Variants in ADAMTS2 observed in about 807,000 individuals in gnomAD.
The protein encoded by ADAMTS2 is ADAM metallopeptidase with thrombospondin type 1 motif 2.
ADAMTS2 carries 50 observed loss-of-function variants against 123.0 expected under a neutral mutation model. The ratio of observed to expected loss-of-function variants is 0.41; its 90% CI spans 0.32 to 0.51. ADAMTS2 has a LOEUF of 0.51. ADAMTS2 is among the 20% of genes least tolerant of loss of function. The pLI is 0.35. For synonymous variants in ADAMTS2, 678 were observed against 695.4 expected, an observed-to-expected ratio of 0.98 and a Z score of 0.39; for missense variants, 1,494 against 1,705.2, an observed-to-expected ratio of 0.88 and a Z score of 2.18.
rs751864582 is a variant in ADAMTS2 at position 179,344,045 on chromosome 5, C to T, written c.256G>A (p.Ala86Thr). 4 of 1,612,290 alleles carry T rather than the reference C, an allele frequency of 2.5e-6. No homozygotes were observed. The African/African-American group carries it at 4.0e-5, about 16-fold the overall frequency. Reference sequence around the variant, plus strand: ...GTCCGGACCGGGGCGGCCCTGCGGGCTCGTACCCCTGCTCTGGACGTAGCT... The same window carrying T: ...GTCCGGACCGGGGCGGCCCTGCGGGTTCGTACCCCTGCTCTGGACGTAGCT... ...SAATSRAGVR[A>T]RRAAPVRTPS... The change falls in exon 2 of 22, where the codon GCC becomes ACC. Residue 86 changes from alanine to threonine, a missense_variant. By Grantham distance (58) the Ala-to-Thr change is moderately conservative (BLOSUM62 0). This residue lies in a region of ADAMTS2 where 237 missense variants were observed against 233.7 expected (regional missense o/e 1.01). Coordinates refer to ENST00000251582, the MANE Select transcript of ADAMTS2 (RefSeq NM_014244.5).
intron 2 of ADAMTS2, among the ~76,000 whole-genome samples, chr5:179,329,326 C>CAA (rs79153534): frequency 1.4e-4 from 12 of 85,676 alleles, no homozygotes; most frequent in Non-Finnish European, 1.8e-4. Context: ...GACTCCGTCT[C>CAA]AAAAAAAAAA....
chr5:179,111,667 T>TC lies in ADAMTS2; in HGVS notation c.*2199dup, dbSNP rs777899565. On this transcript the variant is annotated 3_prime_UTR_variant, in exon 22 of 22. Transcript: ENST00000251582. ...CTGCTGAGATCTTGGAATGGAGTGTTCCCATCCAGAGGCCCCTAGGCTGGG... is the reference window on the plus strand; with the variant it reads ...CTGCTGAGATCTTGGAATGGAGTGTTCCCCATCCAGAGGCCCCTAGGCTGGG... 1 of 152,234 alleles carries TC rather than the reference T, an allele frequency of 6.6e-6. No individual in the cohort carries two copies. Among genetic ancestry groups the TC allele is most frequent in the Non-Finnish European group, 1.5e-5 (1 of 68,066 alleles). The allele number at this position is 152,234 out of a possible 1,614,324, so 9.4% of individuals were successfully genotyped here. A position where few individuals can be genotyped will look rare whatever the true frequency, so the allele number is the denominator to read the frequency against.
Position 179,345,406 on chromosome 5 carries a change from G to A in ADAMTS2, c.-78C>T. ...CCGCGAGCCGCCCAGCCCACATCTG[G>A]GGGCAGCTGGAGCCGCCCGCAGCTG... On this transcript the variant is annotated 5_prime_UTR_variant, in exon 1 of 22. Transcript: ENST00000251582. This position sits in a 1 kb window ranked among gnomAD's most constrained non-coding sequence, Gnocchi z 7.5. 1 of 1,071,536 alleles carries A rather than the reference G, an allele frequency of 9.3e-7. No individual in the cohort carries two copies. Among genetic ancestry groups the A allele is most frequent in the South Asian group, 4.4e-5 (1 of 22,840 alleles). The allele number at this position is 1,071,536 out of a possible 1,614,324, so 66.4% of individuals were successfully genotyped here. A position where few individuals can be genotyped will look rare whatever the true frequency, so the allele number is the denominator to read the frequency against.
rs1315547309 is a variant in ADAMTS2, at chr5:179,228,870, T to C, written c.689-21155A>G. 6.6e-6 allele frequency among the ~76,000 whole-genome samples: 1 copy of C among 152,198 alleles called. No individual in the cohort carries two copies. Among genetic ancestry groups the C allele is most frequent in the African/African-American group, 2.4e-5 (1 of 41,444 alleles). ...GAGGAGGGAGCCGAAGCTCTGCCAG[T>C]CTGCACTGAAGTCTGTGGTGTGCGG... On this transcript the variant is annotated intron_variant, in intron 3 of 21. Transcript: ENST00000251582. This position sits in a 1 kb window ranked among gnomAD's most constrained non-coding sequence, Gnocchi z 5.2.
rs1254731506 is a variant in ADAMTS2 at position 179,185,762 on chromosome 5, T to C, written c.892-4607A>G. Among the ~76,000 whole-genome samples the C allele has an allele frequency of 6.6e-6, 1 of 151,968 alleles. No homozygotes were observed. The highest frequency in any genetic ancestry group is 1.5e-5 in the Non-Finnish European group (1 of 67,974). On this transcript the variant is annotated intron_variant, in intron 4 of 21. Transcript: ENST00000251582. This position sits in a 1 kb window ranked among gnomAD's most constrained non-coding sequence, Gnocchi z 5.9. ...TGGGCCCCTGGCTGGGGAGCTCCAC[T>C]GTGGGCTGTCCGCCAGCAGCCAGCT...
chr5:179,332,937 C>A lies in ADAMTS2; in HGVS notation c.534+10830G>T, dbSNP rs902817268. Among the ~76,000 whole-genome samples the A allele has an allele frequency of 2.0e-5, 3 of 152,190 alleles. No homozygotes were observed. The highest frequency in any genetic ancestry group is 7.2e-5 in the African/African-American group (3 of 41,452). On this transcript the variant is annotated intron_variant, in intron 2 of 21. Transcript: ENST00000251582. The surrounding 1 kb of genome is among the most constrained non-coding windows in gnomAD (Gnocchi z 4.2). ...CCAGGTGGCCGCCAAGTGTGGACAG[C>A]CCTGCAGCAAAGGCCAGCTACTGCC...
chr5:179,293,872 C>G (rs1371922725), intron 2 of ADAMTS2, among the ~76,000 whole-genome samples: 2 of 152,078 alleles, frequency 1.3e-5, no homozygotes, highest in African/African-American at 4.8e-5. Flanking sequence ...TCCGCCTGCC[C>G]TGGCTTCCCA....
intron 2 of ADAMTS2, among the ~76,000 whole-genome samples, chr5:179,335,407 C>A (rs1321460951): frequency 2.6e-5 from 4 of 152,146 alleles, no homozygotes; most frequent in Non-Finnish European, 5.9e-5. Flanking sequence ...TCAATTCAGA[C>A]CAGACACATT....
At chr5:179,288,982 G>C (rs1406946135) in intron 2 of ADAMTS2, among the ~76,000 whole-genome samples, 1 of 152,228 alleles carries the variant, frequency 6.6e-6, no homozygotes, top group Non-Finnish European at 1.5e-5. Context: ...CGGGATCTCA[G>C]GGCCCCCACC....
At chr5:179,301,800 T>C (rs1756525816) in intron 2 of ADAMTS2, among the ~76,000 whole-genome samples, 1 of 152,268 alleles carries the variant, frequency 6.6e-6, no homozygotes, top group Non-Finnish European at 1.5e-5. Flanking sequence ...CCATGTGCCC[T>C]GCTGCCCCAG....
chr5:179,176,807 C>G (rs886610684), intron 5 of ADAMTS2, among the ~76,000 whole-genome samples: 1 of 152,248 alleles, frequency 6.6e-6, no homozygotes, highest in African/African-American at 2.4e-5. Context: ...CTGCTCCTTG[C>G]GATCGGCTCC....
At chr5:179,252,994 C>T (rs556727798) in intron 3 of ADAMTS2, among the ~76,000 whole-genome samples, 4 of 152,322 alleles carry the variant, frequency 2.6e-5, no homozygotes, top group South Asian at 2.1e-4. Flanking sequence ...TCTCATTAAA[C>T]GGTGACCTGT....
At chr5:179,338,683 G>A (rs1757687703) in intron 2 of ADAMTS2, among the ~76,000 whole-genome samples, 2 of 152,212 alleles carry the variant, frequency 1.3e-5, no homozygotes, top group Non-Finnish European at 2.9e-5. Context: ...CAGTGGGTTT[G>A]GATGTTTTTA....
rs1757865906 is a variant in ADAMTS2 at position 179,344,117 on chromosome 5, C to A, written c.184G>T (p.Val62Leu). The stretch of plus-strand genomic sequence containing the variant: ...AAGCGGCCCTGGGCGTCAGTGCGCA[C>A]GGGCACCGCCAGGATGCGCTCCGCT... ...HGAERILAVP[V>L]RTDAQGRLVS... The change falls in exon 2 of 22, where the codon GTG (valine) becomes TTG (leucine). Residue 62 changes from valine to leucine, a missense_variant. Coordinates refer to ENST00000251582, the MANE Select transcript of ADAMTS2 (RefSeq NM_014244.5). The A allele has an allele frequency of 1.9e-6, 3 of 1,607,504 alleles. No individual in the cohort carries two copies. Among genetic ancestry groups the A allele is most frequent in the East Asian group, 2.2e-5 (1 of 44,682 alleles).
In ADAMTS2 at chr5:179,125,130, C is replaced by T. The variant is rs1762831902; in HGVS notation, c.2801G>A (p.Gly934Asp). Reference protein sequence around the residue: ...EPCSQTCGRTGMQVRSVRCIQ... With the variant: ...EPCSQTCGRTDMQVRSVRCIQ... Reference sequence around the variant, plus strand: ...GCAGCGCACGGAGCGCACCTGCATGCCTGTCCGCCCACAGGTCTGGCTACA... The same window carrying T: ...GCAGCGCACGGAGCGCACCTGCATGTCTGTCCGCCCACAGGTCTGGCTACA... Residue 934 changes from glycine (G) to aspartate (D), a missense_variant, in exon 19 of 22, where the codon GGC becomes GAC. Physicochemically the swap from Gly to Asp is moderately conservative, Grantham distance 94. Around this residue, in one of 6 missense-constraint regions of ADAMTS2, gnomAD observed 953 missense variants for 1,124.7 expected, o/e 0.85. Coordinates refer to ENST00000251582, the MANE Select transcript of ADAMTS2 (RefSeq NM_014244.5). The T allele has an allele frequency of 1.2e-6, 2 of 1,612,906 alleles. No individual in the cohort carries two copies. Among genetic ancestry groups the T allele is most frequent in the Non-Finnish European group, 1.7e-6 (2 of 1,179,924 alleles).
At position 179,272,010 on chromosome 5, in the gene ADAMTS2, C is replaced by A. The variant is rs1484015291; in HGVS notation, c.688+901G>T. Among the ~76,000 whole-genome samples the A allele has an allele frequency of 6.6e-6, 1 of 152,186 alleles. No homozygotes were observed. The highest frequency in any genetic ancestry group is 1.9e-4 in the East Asian group (1 of 5,176). ...GACTCTCCTCACCCAGGGGTCCTGACCAGAGGCTGAGGGCTGAGCTCGCAG... is the reference window on the plus strand; with the variant it reads ...GACTCTCCTCACCCAGGGGTCCTGAACAGAGGCTGAGGGCTGAGCTCGCAG... On this transcript the variant is annotated intron_variant, in intron 3 of 21. Transcript: ENST00000251582. The surrounding 1 kb of genome is among the most constrained non-coding windows in gnomAD (Gnocchi z 5.8).
At chr5:179,323,308 T>G (rs1757234994) in intron 2 of ADAMTS2, among the ~76,000 whole-genome samples, 1 of 152,192 alleles carries the variant, frequency 6.6e-6, no homozygotes, top group African/African-American at 2.4e-5. Flanking sequence ...GGGGCAGCAG[T>G]CCAGGAGGGC....
At chr5:179,204,843 C>A (rs781303038) in intron 4 of ADAMTS2, among the ~76,000 whole-genome samples, 1 of 152,232 alleles carries the variant, frequency 6.6e-6, no homozygotes, top group Non-Finnish European at 1.5e-5. Flanking sequence ...CTGCCACGCC[C>A]CGCCGCCTCT....
In ADAMTS2 at chr5:179,114,199, C is replaced by G. The variant is rs762648423; in HGVS notation, c.3304G>C (p.Val1102Leu). The change falls in exon 22 of 22, where the codon GTG (valine) becomes CTG (leucine). Residue 1102 changes from valine to leucine, a missense_variant. Physicochemically the swap from Val to Leu is conservative, Grantham distance 32. Transcript: ENST00000251582. ...GGCGGTGGCTCTATCCTGCCCTCCA[C>G]GTTGGTGAGGTTGTTGTACAGGTTA... ...SCNLYNNLTNVEGRIEPPPGK... is the reference protein window; with the variant it reads ...SCNLYNNLTNLEGRIEPPPGK... 6.2e-7 allele frequency: 1 copy of G among 1,611,882 alleles called. No homozygotes were observed. Among genetic ancestry groups the G allele is most frequent in the East Asian group, 2.2e-5 (1 of 44,846 alleles).
Sources: allele counts gnomAD v4.1 joint callset (sites outside exome capture counted in the v4.1 genomes callset), GRCh38; gene constraint gnomAD v4.1.1; regional missense constraint gnomAD v4.1.1; non-coding constraint Gnocchi (gnomAD v3.1); transcripts MANE v1.5; gene names NCBI Gene and HGNC (gene_info 2026-07-23, HGNC 2026-07-21).